GP5: variants seen among roughly 807,000 people sequenced by gnomAD.
GP5 encodes the protein platelet glycoprotein V.
For missense variants in GP5, 755 were observed against 737.1 expected (o/e 1.02, Z -0.28); for synonymous variants, 382 against 353.9 (o/e 1.08, Z -0.89).
intron 1 of GP5, among the ~76,000 whole-genome samples, chr3:194,398,680 A>G (rs943072923): frequency 2.6e-5 from 4 of 152,208 alleles, no homozygotes; most frequent in Admixed American, 6.5e-5. Context: ...GCTATAACCA[A>G]CAGTCAAGAA....
Position 194,397,942 on chromosome 3 carries a change from G to A in GP5, c.341C>T (p.Pro114Leu), listed in dbSNP as rs755943185. 1 of 1,614,180 alleles carries A rather than the reference G, an allele frequency of 6.2e-7. No individual in the cohort carries two copies. Among genetic ancestry groups the A allele is most frequent in the South Asian group, 1.1e-5 (1 of 91,084 alleles). ...RLSRNKITHLPGALLDKMVLL... is the reference protein window; with the variant it reads ...RLSRNKITHLLGALLDKMVLL... The stretch of plus-strand genomic sequence containing the variant: ...CACCATCTTATCCAGCAGCGCACCT[G>A]GAAGATGCGTGATTTTGTTGCGCGA... The change falls in exon 2 of 2, where the codon CCA (proline) becomes CTA (leucine). Residue 114 changes from proline to leucine, a missense_variant. By Grantham distance (98) the Pro-to-Leu change is moderately conservative. Transcript: ENST00000692618. This position sits in a 1 kb window ranked among gnomAD's most constrained non-coding sequence, Gnocchi z 7.2.
Position 194,398,112 on chromosome 3 carries a change from G to C in GP5, c.171C>G (p.Leu57=), listed in dbSNP as rs145597337. 270 of 1,613,554 alleles carry C rather than the reference G, an allele frequency of 1.7e-4. No homozygotes were observed. The highest frequency in any genetic ancestry group is 1.9e-4 in the Non-Finnish European group (222 of 1,179,944). The change falls in exon 2 of 2, where the codon CTC becomes CTG. Residue 57 remains leucine (L), a synonymous_variant. Coordinates refer to ENST00000692618, the MANE Select transcript of GP5 (RefSeq NM_004488.2). The part of the protein sequence containing the change: ...GLPTNLTHIL[L]FGMGRGVLQS... ...GCAGGACGCCGCGGCCCATTCCGAA[G>C]AGCAGGATGTGCGTGAGGTTGGTGG...
rs777590156 is a variant in GP5, at chr3:194,397,478, T to A, written c.805A>T (p.Thr269Ser). The A allele has an allele frequency of 1.2e-6, 2 of 1,612,752 alleles. No individual in the cohort carries two copies. The highest frequency in any genetic ancestry group is 2.2e-5 in the South Asian group (2 of 91,032). The change falls in exon 2 of 2, where the codon ACT becomes TCT. Residue 269 changes from threonine (T) to serine (S), a missense_variant. Transcript: ENST00000692618. This position sits in a 1 kb window ranked among gnomAD's most constrained non-coding sequence, Gnocchi z 7.2. ...GGGTTCTCGAACAGAGTCAACAGAG[T>A]CAGATTGTGCGAATGAAGAAAGAGC... ...SALFLHSHNL[T>S]LLTLFENPLA...
rs770577099 is a variant in GP5, at chr3:194,398,066, T to C, written c.217A>G (p.Met73Val). 7 of 1,613,960 alleles carry C rather than the reference T, an allele frequency of 4.3e-6. No homozygotes were observed. In the Admixed American group the frequency reaches 1.0e-4, roughly 23 times the overall value. The change falls in exon 2 of 2, where the codon ATG becomes GTG. Residue 73 changes from methionine to valine, a missense_variant. Coordinates refer to ENST00000692618, the MANE Select transcript of GP5 (RefSeq NM_004488.2). ...ATCATGAGGCGCTGCAGGACGGTCATGCCGCTGAAGCTCTGGCTCTGCAGG... is the reference window on the plus strand; with the variant it reads ...ATCATGAGGCGCTGCAGGACGGTCACGCCGCTGAAGCTCTGGCTCTGCAGG... The part of the protein sequence containing the change: ...GVLQSQSFSG[M>V]TVLQRLMISD...
At position 194,396,499 on chromosome 3, in the gene GP5, G is replaced by C; in HGVS notation, c.*101C>G. On this transcript the variant is annotated 3_prime_UTR_variant, in exon 2 of 2. Transcript: ENST00000692618. Reference sequence around the variant, plus strand: ...GAGAGAGAAGAGGAAGAAGAGAGGAGGAGTGGGGAGGGGAGGGAGAGCAAG... The same window carrying C: ...GAGAGAGAAGAGGAAGAAGAGAGGACGAGTGGGGAGGGGAGGGAGAGCAAG... 1.2e-6 allele frequency: 1 copy of C among 850,968 alleles called. No homozygotes were observed. Among genetic ancestry groups the C allele is most frequent in the Admixed American group, 2.2e-5 (1 of 44,968 alleles). 52.7% of individuals were successfully genotyped at this position (850,968 alleles called of 1,614,324 possible).
At position 194,396,791 on chromosome 3, in the gene GP5, G is replaced by C; in HGVS notation, c.1492C>G (p.Pro498Ala). The part of the protein sequence containing the change: ...SEAPVHPALA[P>A]NSSEPWVWAQ... ...CACACCCAGGGTTCTGAGCTGTTGG[G>C]AGCCAAGGCTGGGTGGACAGGGGCT... Residue 498 changes from proline (P) to alanine (A), a missense_variant, in exon 2 of 2, where the codon CCC becomes GCC. Coordinates refer to ENST00000692618, the MANE Select transcript of GP5 (RefSeq NM_004488.2). 6.2e-7 allele frequency: 1 copy of C among 1,612,236 alleles called. No individual in the cohort carries two copies. Among genetic ancestry groups the C allele is most frequent in the Non-Finnish European group, 8.5e-7 (1 of 1,179,080 alleles).
Position 194,394,946 on chromosome 3 carries a change from CAG to C in GP5, c.*1652_*1653del, listed in dbSNP as rs1714417837. On this transcript the variant is annotated 3_prime_UTR_variant, in exon 2 of 2. Coordinates refer to ENST00000692618, the MANE Select transcript of GP5 (RefSeq NM_004488.2). ...GAAAGTTCGGACTTACCCTTATACA[CAG>C]AGAAAAATACCAACTCAAAGCTCTT... 6.6e-6 allele frequency: 1 copy of C among 152,232 alleles called. No individual in the cohort carries two copies. The highest frequency in any genetic ancestry group is 1.5e-5 in the Non-Finnish European group (1 of 68,040). The allele number at this position is 152,232 out of a possible 1,614,324, so 9.4% of individuals were successfully genotyped here.
rs1391961242 is a variant in GP5 at position 194,397,748 on chromosome 3, C to T, written c.535G>A (p.Gly179Arg). ...TTGGGCAGGTGGGTCAGGTTGTTTC[C>T]CGATAAATCCAACAACTTCAGGTTC... ...LENLKLLDLSGNNLTHLPKGL... is the reference protein window; with the variant it reads ...LENLKLLDLSRNNLTHLPKGL... Residue 179 changes from glycine to arginine, a missense_variant, in exon 2 of 2, where the codon GGA becomes AGA. Physicochemically the swap from Gly to Arg is moderately radical, Grantham distance 125. Transcript: ENST00000692618. This position sits in a 1 kb window ranked among gnomAD's most constrained non-coding sequence, Gnocchi z 7.2. The T allele has an allele frequency of 6.2e-7, 1 of 1,613,682 alleles. No homozygotes were observed. Among genetic ancestry groups the T allele is most frequent in the Non-Finnish European group, 8.5e-7 (1 of 1,179,852 alleles).
rs757110853 is a variant in GP5, at chr3:194,396,882, C to T, written c.1401G>A (p.Gly467=). ...HAGLPLWALP[G]GDAECPGPRG... Reference sequence around the variant, plus strand: ...GGGGGCCCGGGCACTCCGCGTCACCCCCCGGCAGGGCCCAGAGCGGCAGGC... The same window carrying T: ...GGGGGCCCGGGCACTCCGCGTCACCTCCCGGCAGGGCCCAGAGCGGCAGGC... The change falls in exon 2 of 2, where the codon GGG becomes GGA. Residue 467 remains glycine (G), a synonymous_variant. Transcript: ENST00000692618. 6 of 1,543,052 alleles carry T rather than the reference C, an allele frequency of 3.9e-6. No individual in the cohort carries two copies. Among genetic ancestry groups the T allele is most frequent in the Non-Finnish European group, 4.3e-6 (5 of 1,151,318 alleles).
Position 194,396,902 on chromosome 3 carries a change from G to T in GP5, c.1381C>A (p.Pro461Thr). 2 of 1,506,916 alleles carry T rather than the reference G, an allele frequency of 1.3e-6. No individual in the cohort carries two copies. Among genetic ancestry groups the T allele is most frequent in the Non-Finnish European group, 1.8e-6 (2 of 1,130,502 alleles). The allele number at this position is 1,506,916 out of a possible 1,614,324, so 93.3% of individuals were successfully genotyped here. A position where few individuals can be genotyped will look rare whatever the true frequency, so the allele number is the denominator to read the frequency against. Residue 461 changes from proline to threonine, a missense_variant, in exon 2 of 2, where the codon CCG becomes ACG. By Grantham distance (38) the Pro-to-Thr change is conservative. Coordinates refer to ENST00000692618, the MANE Select transcript of GP5 (RefSeq NM_004488.2). Reference protein sequence around the residue: ...CAGPGAHAGLPLWALPGGDAE... With the variant: ...CAGPGAHAGLTLWALPGGDAE... Reference sequence around the variant, plus strand: ...TCACCCCCCGGCAGGGCCCAGAGCGGCAGGCCGGCGTGCGCCCCAGGGCCT... The same window carrying T: ...TCACCCCCCGGCAGGGCCCAGAGCGTCAGGCCGGCGTGCGCCCCAGGGCCT...
In GP5 at chr3:194,396,488, A is replaced by T; in HGVS notation, c.*112T>A. 1 of 769,592 alleles carries T rather than the reference A, an allele frequency of 1.3e-6. No individual in the cohort carries two copies. 47.7% of individuals were successfully genotyped at this position (769,592 alleles called of 1,614,324 possible). A position where few individuals can be genotyped will look rare whatever the true frequency, so the allele number is the denominator to read the frequency against. On this transcript the variant is annotated 3_prime_UTR_variant, in exon 2 of 2. Coordinates refer to ENST00000692618, the MANE Select transcript of GP5 (RefSeq NM_004488.2). ...GGCGTGGCAGTGAGAGAGAAGAGGA[A>T]GAAGAGAGGAGGAGTGGGGAGGGGA...
intron 1 of GP5, among the ~76,000 whole-genome samples, chr3:194,398,902 A>G (rs144720350): frequency 6.1e-4 from 93 of 152,332 alleles, no homozygotes; most frequent in African/African-American, 2.2e-3. Context: ...AATCCTTACA[A>G]TAACCTTAGG....
rs1056419720 is a variant in GP5 at position 194,396,213 on chromosome 3, A to T, written c.*387T>A. 6 of 187,858 alleles carry T rather than the reference A, an allele frequency of 3.2e-5. No individual in the cohort carries two copies. The highest frequency in any genetic ancestry group is 1.4e-4 in the African/African-American group (6 of 42,852). 11.6% of individuals were successfully genotyped at this position (187,858 alleles called of 1,614,324 possible). A position where few individuals can be genotyped will look rare whatever the true frequency, so the allele number is the denominator to read the frequency against. ...CTGGAGCTGTCCCCTTACTCAGTAG[A>T]CACTGAAGAGGCCCCTCTCTCCACC... On this transcript the variant is annotated 3_prime_UTR_variant, in exon 2 of 2. Transcript: ENST00000692618.
chr3:194,397,055 G>C lies in GP5; in HGVS notation c.1228C>G (p.Leu410Val), dbSNP rs778402630. ...ETLPGDVFGALPRLTEVLLGH... is the reference protein window; with the variant it reads ...ETLPGDVFGAVPRLTEVLLGH... ...AACAGGACCTCCGTCAGCCGGGGCAGAGCCCCAAACACGTCGCCAGGCAGG... is the reference window on the plus strand; with the variant it reads ...AACAGGACCTCCGTCAGCCGGGGCACAGCCCCAAACACGTCGCCAGGCAGG... The change falls in exon 2 of 2, where the codon CTG becomes GTG. Residue 410 changes from leucine to valine, a missense_variant. Physicochemically the swap from Leu to Val is conservative, Grantham distance 32. Transcript: ENST00000692618. This position sits in a 1 kb window ranked among gnomAD's most constrained non-coding sequence, Gnocchi z 7.2. 64 of 1,596,746 alleles carry C rather than the reference G, an allele frequency of 4.0e-5. No homozygotes were observed. The highest frequency in any genetic ancestry group is 5.1e-5 in the Non-Finnish European group (60 of 1,178,612).
At position 194,397,796 on chromosome 3, in the gene GP5, C is replaced by T. The variant is rs371868475; in HGVS notation, c.487G>A (p.Ala163Thr). 8.1e-6 allele frequency: 13 copies of T among 1,613,922 alleles called. No individual in the cohort carries two copies. The highest frequency in any genetic ancestry group is 1.6e-4 in the Middle Eastern group (1 of 6,084). Residue 163 changes from alanine (A) to threonine (T), a missense_variant, in exon 2 of 2, where the codon GCC becomes ACC. Transcript: ENST00000692618. The surrounding 1 kb of genome is among the most constrained non-coding windows in gnomAD (Gnocchi z 7.2). ...LNQNQLDFLP[A>T]SLFTNLENLK... ...TTCTCCAGATTCGTGAAGAGACTGG[C>T]AGGAAGGAAATCGAGCTGATTCTGG...
Position 194,396,481 on chromosome 3 carries a change from A to T in GP5, c.*119T>A, listed in dbSNP as rs1432089557. The T allele has an allele frequency of 2.7e-6, 2 of 729,746 alleles. No homozygotes were observed. Among genetic ancestry groups the T allele is most frequent in the Non-Finnish European group, 4.5e-6 (2 of 442,676 alleles). The allele number at this position is 729,746 out of a possible 1,614,324, so 45.2% of individuals were successfully genotyped here. ...AAAGGAAGGCGTGGCAGTGAGAGAG[A>T]AGAGGAAGAAGAGAGGAGGAGTGGG... On this transcript the variant is annotated 3_prime_UTR_variant, in exon 2 of 2. Transcript: ENST00000692618.
Position 194,396,439 on chromosome 3 carries a change from G to A in GP5, c.*161C>T, listed in dbSNP as rs931033999. 21 of 607,670 alleles carry A rather than the reference G, an allele frequency of 3.5e-5. No individual in the cohort carries two copies. In the African/African-American group the frequency reaches 3.7e-4, roughly 11 times the overall value. The allele number at this position is 607,670 out of a possible 1,614,324, so 37.6% of individuals were successfully genotyped here. A position where few individuals can be genotyped will look rare whatever the true frequency, so the allele number is the denominator to read the frequency against. On this transcript the variant is annotated 3_prime_UTR_variant, in exon 2 of 2. Coordinates refer to ENST00000692618, the MANE Select transcript of GP5 (RefSeq NM_004488.2). ...GTGAGAATGAAGAGCACAGAGCGGA[G>A]AGGGGGAGGAGGAGGGAAAGGAAGG...
At position 194,397,449 on chromosome 3, in the gene GP5, C is replaced by G. The variant is rs1444009721; in HGVS notation, c.834G>C (p.Leu278=). 6.2e-7 allele frequency: 1 copy of G among 1,613,562 alleles called. No individual in the cohort carries two copies. Among genetic ancestry groups the G allele is most frequent in the Non-Finnish European group, 8.5e-7 (1 of 1,179,988 alleles). The change falls in exon 2 of 2, where the codon CTG becomes CTC. Residue 278 remains leucine, a synonymous_variant. Transcript: ENST00000692618. This position sits in a 1 kb window ranked among gnomAD's most constrained non-coding sequence, Gnocchi z 7.2. ...CGAAGAGCACCCCCGGGAGCTCTGC[C>G]AGCGGGTTCTCGAACAGAGTCAACA... ...LTLLTLFENP[L]AELPGVLFGE...
In GP5 at chr3:194,398,428, T is replaced by C. The variant is rs1714526428; in HGVS notation, c.-2-144A>G. Reference sequence around the variant, plus strand: ...CTTTTCTTAGGACTACAGATTTCCCTACGTGGTGAAAAGACACTCATTCTA... The same window carrying C: ...CTTTTCTTAGGACTACAGATTTCCCCACGTGGTGAAAAGACACTCATTCTA... On this transcript the variant is annotated intron_variant, in intron 1 of 1. Coordinates refer to ENST00000692618, the MANE Select transcript of GP5 (RefSeq NM_004488.2). 2.4e-5 allele frequency: 19 copies of C among 777,832 alleles called. No individual in the cohort carries two copies. In the South Asian group the frequency reaches 3.4e-4, roughly 14 times the overall value. 48.2% of individuals were successfully genotyped at this position (777,832 alleles called of 1,614,324 possible).
Sources: gnomAD v4.1 joint callset for allele counts (sites outside exome capture counted in the v4.1 genomes callset) on GRCh38, gnomAD v4.1.1 for gene constraint, Gnocchi (gnomAD v3.1) non-coding constraint, MANE v1.5 for transcripts, NCBI Gene and HGNC (gene_info 2026-07-23, HGNC 2026-07-21) for gene names.